DRC10: variants seen among roughly 807,000 people sequenced by gnomAD.
DRC10 encodes dynein regulatory complex subunit 10, also known as IQ domain-containing protein D.
At chr12:113,214,091 G>A in the DRC10 span, among the ~76,000 whole-genome samples, 1 of 152,160 alleles carries the variant, frequency 6.6e-6, no homozygotes, top group African/African-American at 2.4e-5. Flanking sequence ...TCCGAACTCT[G>A]TATGTTTTAT....
the DRC10 span, among the ~76,000 whole-genome samples, chr12:113,209,829 T>C: frequency 6.6e-6 from 1 of 152,222 alleles, no homozygotes; most frequent in Non-Finnish European, 1.5e-5. Flanking sequence ...AAAGTTTAGT[T>C]AAAAGACTAT....
chr12:113,198,707 T>G, the DRC10 span, among the ~76,000 whole-genome samples: 2 of 152,106 alleles, frequency 1.3e-5, no homozygotes, highest in African/African-American at 4.8e-5. Context: ...ATAGAAGTGG[T>G]GGAAGTGGGG....
At chr12:113,201,063 C>T in the DRC10 span, among the ~76,000 whole-genome samples, 7 of 152,118 alleles carry the variant, frequency 4.6e-5, no homozygotes, top group Non-Finnish European at 8.8e-5. Context: ...CACTTGAATA[C>T]AGGAAGTAGA....
chr12:113,216,371 GGGAA>G, the DRC10 span, among the ~76,000 whole-genome samples: 1 of 152,216 alleles, frequency 6.6e-6, no homozygotes, highest in South Asian at 2.1e-4. Context: ...TAAGGGCTGG[GGGAA>G]GGGAGGGATG....
the DRC10 span, among the ~76,000 whole-genome samples, chr12:113,205,824 G>T: frequency 6.7e-6 from 1 of 149,150 alleles, no homozygotes; most frequent in African/African-American, 2.5e-5. Flanking sequence ...GGGAAGCGGA[G>T]CTTGCAGTGA....
chr12:113,200,051 A>G, the DRC10 span: 2 of 255,708 alleles, frequency 7.8e-6, no homozygotes, highest in South Asian at 7.6e-5. Context: ...TTACCCGGTC[A>G]GAAATGATAT....
chr12:113,212,762 G>A, the DRC10 span, among the ~76,000 whole-genome samples: 3 of 152,110 alleles, frequency 2.0e-5, no homozygotes, highest in Non-Finnish European at 4.4e-5. Context: ...AAAAATGACT[G>A]GAGAATCTCT....
the DRC10 span, chr12:113,195,850 TCTC>T: frequency 1.5e-5 from 25 of 1,613,106 alleles, no homozygotes; most frequent in South Asian, 5.5e-5. Context: ...AGCGAGATCT[TCTC>T]CTCCCTGTGA....
chr12:113,208,177 GC>G, the DRC10 span: 139 of 1,602,756 alleles, frequency 8.7e-5, no homozygotes, highest in Middle Eastern at 1.3e-3. Context: ...CTTGTGAGCA[GC>G]CCTCTGTGCC....
At chr12:113,204,560 G>A in the DRC10 span, among the ~76,000 whole-genome samples, 1 of 152,218 alleles carries the variant, frequency 6.6e-6, no homozygotes, top group Admixed American at 6.5e-5. Context: ...CAGCAAAGCT[G>A]AGTTGAGTAA....
the DRC10 span, chr12:113,207,817 T>C: frequency 6.2e-7 from 1 of 1,614,194 alleles, no homozygotes; most frequent in Non-Finnish European, 8.5e-7. Flanking sequence ...CTCTTTCTGC[T>C]CCTGCAATTG....
the DRC10 span, among the ~76,000 whole-genome samples, chr12:113,217,559 T>A: frequency 6.6e-6 from 1 of 152,188 alleles, no homozygotes; most frequent in Non-Finnish European, 1.5e-5. Context: ...TGAAACTGAG[T>A]CTCGCTCTGT....
chr12:113,206,118 G>A, the DRC10 span: 1 of 151,356 alleles, frequency 6.6e-6, no homozygotes, highest in African/African-American at 2.4e-5. Flanking sequence ...TACTCGGGAG[G>A]CTGAGGCAGG....
the DRC10 span, chr12:113,207,204 C>G: frequency 3.5e-6 from 2 of 565,948 alleles, no homozygotes; most frequent in African/African-American, 3.8e-5. Context: ...AAAAATTAGC[C>G]GGGCGTGGTG....
At chr12:113,208,006 G>A in the DRC10 span, 38 of 1,614,078 alleles carry the variant, frequency 2.4e-5, no homozygotes, top group Non-Finnish European at 3.2e-5. Context: ...ATCCAGGATG[G>A]ACATGATCCT....
chr12:113,218,111 T>C, the DRC10 span, among the ~76,000 whole-genome samples: 1 of 151,432 alleles, frequency 6.6e-6, no homozygotes, highest in African/African-American at 2.4e-5. Flanking sequence ...AAAACATCAA[T>C]AGAGCTGAGG....
At chr12:113,220,664 G>A in the DRC10 span, among the ~76,000 whole-genome samples, 1 of 152,042 alleles carries the variant, frequency 6.6e-6, no homozygotes, top group Non-Finnish European at 1.5e-5. Flanking sequence ...AAATGGGAGG[G>A]GACTTATAAA....
At chr12:113,200,536 C>T in the DRC10 span, 12 of 1,253,544 alleles carry the variant, frequency 9.6e-6, no homozygotes, top group East Asian at 8.4e-5. Context: ...CCATCCCCCC[C>T]ACCAGGGGCC....
chr12:113,203,649 T>G, the DRC10 span, among the ~76,000 whole-genome samples: 1 of 151,938 alleles, frequency 6.6e-6, no homozygotes, highest in African/African-American at 2.4e-5. Context: ...CTAATTTTTA[T>G]ATTATGAGTA....
Sources: gnomAD v4.1 joint callset for allele counts (sites outside exome capture counted in the v4.1 genomes callset) on GRCh38, gnomAD v4.1.1 for gene constraint, MANE v1.5 for transcripts, NCBI Gene and HGNC (gene_info 2026-07-23, HGNC 2026-07-21) for gene names.